Variants in ICAM2 observed in about 807,000 individuals in gnomAD.
ICAM2 encodes the protein ICAM-2.
A neutral mutation model predicts 19.1 loss-of-function variants in ICAM2; 14 were observed. That is an observed-to-expected ratio of 0.73 (90% confidence interval 0.48 to 1.15). The LOEUF is 1.15. Ranked by LOEUF, ICAM2 falls within the 50% of genes most tolerant of loss-of-function variation. ICAM2 has a pLI of 0.00. For synonymous variants in ICAM2, 153 were observed against 152.7 expected, an observed-to-expected ratio of 1.00 and a Z score of -0.01; for missense variants, 311 against 355.4, an observed-to-expected ratio of 0.88 and a Z score of 1.00.
rs112975422 is a variant in ICAM2, at chr17:64,002,721, G to C, written c.*26C>G. ...CACACTGAGTTCCAGTGACCACCGT[G>C]GTGGTGGCCATGCCACTCATGGTTG... On this transcript the variant is annotated 3_prime_UTR_variant, in exon 5 of 5. Transcript: ENST00000579788. The C allele has an allele frequency of 4.8e-5, 77 of 1,600,206 alleles. 1 individual carries two copies. In the African/African-American group the frequency reaches 9.1e-4, roughly 19 times the overall value.
intron 1 of ICAM2, among the ~76,000 whole-genome samples, chr17:64,013,609 G>T (rs1162600206): frequency 2.0e-5 from 3 of 152,068 alleles, no homozygotes; most frequent in Non-Finnish European, 4.4e-5. Context: ...AAAGTCAAAG[G>T]ATGAAAAAGA....
intron 1 of ICAM2, among the ~76,000 whole-genome samples, chr17:64,011,720 G>A (rs1223264875): frequency 6.6e-6 from 1 of 152,088 alleles, no homozygotes; most frequent in East Asian, 1.9e-4. Flanking sequence ...GCAACACAGG[G>A]AGACCCTGTC....
At chr17:64,018,713 CTTTTTTTTTTTTT>C (rs67934258) in intron 1 of ICAM2, among the ~76,000 whole-genome samples, 5 of 62,884 alleles carry the variant, frequency 8.0e-5, no homozygotes, top group Non-Finnish European at 1.1e-4. Flanking sequence ...GTTTACTTCT[CTTTTTTTTTTTTT>C]TTTTTTTTTT....
At chr17:64,004,903 TTGTC>T (rs1911097520) in intron 3 of ICAM2, 200 bp downstream of exon 3, 7 of 617,064 alleles carry the variant, frequency 1.1e-5, no homozygotes, top group Non-Finnish European at 2.0e-5. Context: ...AAAATGTGGG[TTGTC>T]TGCGTCTTGA....
Position 64,014,678 on chromosome 17 carries a change from AAAGGAAGGAAGGAAGGAAGG to A in ICAM2, c.-45+5825_-45+5844del, listed in dbSNP as rs1169331312. On this transcript the variant is annotated intron_variant, in intron 1 of 4. Transcript: ENST00000579788. ...GAAAGGAAGAAAGAGAGAAAGAAAGAAAGGAAGGAAGGAAGGAAGGAAGGAAGGAAGGAAGGAAGGAAGGA... is the reference window on the plus strand; with the variant it reads ...GAAAGGAAGAAAGAGAGAAAGAAAGAAAGGAAGGAAGGAAGGAAGGAAGGA... 2.9e-3 allele frequency among the ~76,000 whole-genome samples: 384 copies of A among 130,190 alleles called. 3 individuals are homozygous for A. The highest frequency in any genetic ancestry group is 7.7e-3 in the African/African-American group (257 of 33,342). The allele number at this position is 130,190 out of a possible 152,430, so 85.4% of individuals were successfully genotyped here.
In ICAM2 at chr17:64,006,739, G is replaced by A; in HGVS notation, c.-44-4C>T. The A allele has an allele frequency of 6.4e-7, 1 of 1,571,984 alleles. No homozygotes were observed. Among genetic ancestry groups the A allele is most frequent in the African/African-American group, 1.3e-5 (1 of 74,140 alleles). ...GCAGGGACCAGCCAAGGGCTGCCTG[G>A]AGGGAGATGGTGGGCGCAGGTCTGA... On this transcript the variant is annotated splice_region_variant and splice_polypyrimidine_tract_variant and intron_variant, in intron 1 of 4. Coordinates refer to ENST00000579788, the MANE Select transcript of ICAM2 (RefSeq NM_001099789.2).
chr17:64,018,607 G>A (rs1911811726), intron 1 of ICAM2, among the ~76,000 whole-genome samples: 1 of 150,430 alleles, frequency 6.6e-6, no homozygotes, highest in South Asian at 2.1e-4. Context: ...GCATTATCTT[G>A]TAAACGGAAT....
At chr17:64,003,544 C>A (rs1910957863) in intron 4 of ICAM2, 100 bp downstream of exon 4, 3 of 1,078,730 alleles carry the variant, frequency 2.8e-6, no homozygotes, top group Non-Finnish European at 4.1e-6. Context: ...AGGGTGGGCT[C>A]CTGGGTGTTT....
chr17:64,011,397 G>T (rs182952997), intron 1 of ICAM2, among the ~76,000 whole-genome samples: 4 of 152,332 alleles, frequency 2.6e-5, no homozygotes, highest in Non-Finnish European at 4.4e-5. Flanking sequence ...GGGAGGCAGA[G>T]GTTGCGGTGA....
intron 1 of ICAM2, among the ~76,000 whole-genome samples, chr17:64,011,944 T>C (rs1241205367): frequency 1.3e-5 from 2 of 152,332 alleles, no homozygotes; most frequent in Admixed American, 6.5e-5. Context: ...GAAACCAGCA[T>C]GTCAAAGAGA....
At chr17:64,014,722 GAAGAAAGAAAGAAAGA>G (rs1161852684) in intron 1 of ICAM2, among the ~76,000 whole-genome samples, 1 of 16,012 alleles carries the variant, frequency 6.2e-5, no homozygotes, top group African/African-American at 7.8e-5. Flanking sequence ...AGGAAGGAAG[GAAGAAAGAAAGAAAGA>G]AAGAAAGAAA....
At chr17:64,005,406 A>AT in intron 2 of ICAM2, 33 bp from the exon 3 acceptor site, 1 of 1,600,444 alleles carries the variant, frequency 6.2e-7, no homozygotes, top group Non-Finnish European at 8.5e-7. Context: ...CAGTCGTGTC[A>AT]TCCCCCCACC....
chr17:64,017,448 G>A (rs1037097516), intron 1 of ICAM2, among the ~76,000 whole-genome samples: 2 of 152,096 alleles, frequency 1.3e-5, no homozygotes, highest in Admixed American at 1.3e-4. Context: ...AAATATTAAA[G>A]ACAATCTAAA....
chr17:64,014,722 G>GAAAGAAAGA (rs1567849841), intron 1 of ICAM2, among the ~76,000 whole-genome samples: 29 of 16,064 alleles, frequency 1.8e-3, no homozygotes, highest in African/African-American at 2.1e-3. Flanking sequence ...AGGAAGGAAG[G>GAAAGAAAGA]AAGAAAGAAA....
chr17:64,006,468 G>A, intron 2 of ICAM2, 163 bp downstream of exon 2: 1 of 633,574 alleles, frequency 1.6e-6, no homozygotes, highest in Non-Finnish European at 2.8e-6. Context: ...CTGTACTCCA[G>A]CCTGGGTGAT....
chr17:64,003,761 T>A lies in ICAM2; in HGVS notation c.532A>T (p.Thr178Ser), dbSNP rs774598927. ...PQEATATFNS[T>S]ADREDGHRNF... is the part of the protein sequence containing the mutation. ...CGGTGGCCATCCTCTCTGTCAGCCGTGCTGTTGAATGTGGCTGTGGCCTCC... is the reference window on the plus strand; with the variant it reads ...CGGTGGCCATCCTCTCTGTCAGCCGAGCTGTTGAATGTGGCTGTGGCCTCC... Residue 178 changes from threonine to serine, a missense_variant, in exon 4 of 5, where the codon ACG (threonine) becomes TCG (serine). Thr to Ser is a moderately conservative substitution (Grantham distance 58). Transcript: ENST00000579788. The A allele has an allele frequency of 6.2e-7, 1 of 1,614,198 alleles. No homozygotes were observed.
chr17:64,016,467 C>G (rs1039029740), intron 1 of ICAM2, among the ~76,000 whole-genome samples: 2 of 152,168 alleles, frequency 1.3e-5, no homozygotes, highest in South Asian at 2.1e-4. Flanking sequence ...GTCTCAGGGT[C>G]TTCTTCAATG....
At position 64,005,323 on chromosome 17, in the gene ICAM2, C is replaced by A; in HGVS notation, c.112G>T (p.Val38Phe). The A allele has an allele frequency of 6.2e-7, 1 of 1,614,152 alleles. No individual in the cohort carries two copies. Among genetic ancestry groups the A allele is most frequent in the East Asian group, 2.2e-5 (1 of 44,882 alleles). The change falls in exon 3 of 5, where the codon GTT becomes TTT. Residue 38 changes from valine to phenylalanine, a missense_variant. Coordinates refer to ENST00000579788, the MANE Select transcript of ICAM2 (RefSeq NM_001099789.2). The part of the protein sequence containing the change: ...EVHVRPKKLA[V>F]EPKGSLEVNC... ...ACCTCGAGGGACCCTTTGGGCTCAA[C>A]CGCCAGCTTCTTTGGCCTCACGTGT...
intron 1 of ICAM2, among the ~76,000 whole-genome samples, chr17:64,016,751 C>A (rs948403978): frequency 1.3e-5 from 2 of 152,196 alleles, no homozygotes; most frequent in Admixed American, 1.3e-4. Flanking sequence ...TCCTTCACCC[C>A]CTGCTTCCTG....
Sources: allele counts gnomAD v4.1 joint callset (sites outside exome capture counted in the v4.1 genomes callset), GRCh38; gene constraint gnomAD v4.1.1; transcripts MANE v1.5; gene names NCBI Gene and HGNC (gene_info 2026-07-23, HGNC 2026-07-21).